The following NXPH2 variants were observed in gnomAD, a reference collection of about 807,000 sequenced individuals.
NXPH2 encodes the protein neurexophilin-2.
NXPH2 carries 5 observed loss-of-function variants against 19.8 expected under a neutral mutation model. The ratio of observed to expected loss-of-function variants is 0.25; its 90% CI spans 0.13 to 0.53. The LOEUF is 0.53. NXPH2 is among the 20% of genes least tolerant of loss of function. The pLI, the probability that NXPH2 is intolerant of heterozygous loss-of-function variation, is 0.96. For missense variants in NXPH2, 289 were observed against 322.8 expected (o/e 0.90, Z 0.80); for synonymous variants, 154 against 127.4 (o/e 1.21, Z -1.41).
intron 1 of NXPH2, among the ~76,000 whole-genome samples, chr2:138,703,294 C>T (rs1421900030): frequency 6.6e-6 from 1 of 152,136 alleles, no homozygotes; most frequent in Non-Finnish European, 1.5e-5. Flanking sequence ...CATACATACC[C>T]TCTGAGAGTC....
intron 1 of NXPH2, among the ~76,000 whole-genome samples, chr2:138,721,842 T>C (rs910167705): frequency 6.6e-6 from 1 of 152,220 alleles, no homozygotes; most frequent in Non-Finnish European, 1.5e-5. Context: ...TGCCTGTAAG[T>C]TTGCAGGATT....
chr2:138,723,537 A>C (rs1681311304), intron 1 of NXPH2, among the ~76,000 whole-genome samples: 4 of 152,164 alleles, frequency 2.6e-5, no homozygotes. Flanking sequence ...CTGCTTTCCC[A>C]AGTTCTATCT....
intron 1 of NXPH2, among the ~76,000 whole-genome samples, chr2:138,754,887 G>T (rs952994125): frequency 1.3e-5 from 2 of 152,078 alleles, no homozygotes; most frequent in Admixed American, 1.3e-4. Flanking sequence ...GGTATTGTTA[G>T]ATTTTGGTGG....
At chr2:138,690,031 C>A (rs531131792) in intron 1 of NXPH2, among the ~76,000 whole-genome samples, 1 of 152,114 alleles carries the variant, frequency 6.6e-6, no homozygotes, top group African/African-American at 2.4e-5. Flanking sequence ...GTAAACTTCC[C>A]CTTAACAATG....
chr2:138,755,946 G>A (rs1038811867), intron 1 of NXPH2, among the ~76,000 whole-genome samples: 5 of 151,668 alleles, frequency 3.3e-5, no homozygotes, highest in African/African-American at 1.2e-4. Context: ...TGTAAAACTG[G>A]ATGTTTCAGA....
rs1202515785 is a variant in NXPH2 at position 138,670,197 on chromosome 2, T to TAAA, written c.*724_*725insTTT. Among the ~76,000 whole-genome samples, 5 of 152,232 alleles carry TAAA rather than the reference T, an allele frequency of 3.3e-5. No homozygotes were observed. The highest frequency in any genetic ancestry group is 7.3e-5 in the Non-Finnish European group (5 of 68,036). On this transcript the variant is annotated 3_prime_UTR_variant, in exon 2 of 2. Coordinates refer to ENST00000272641, the MANE Select transcript of NXPH2 (RefSeq NM_007226.3). ...GAAGAGTCTAAAAACATCATGATTT[T>TAAA]TGTTATCGTTCAACAAACTTATTCT...
intron 1 of NXPH2, among the ~76,000 whole-genome samples, chr2:138,766,764 T>C (rs1357205739): frequency 6.6e-6 from 1 of 152,204 alleles, no homozygotes; most frequent in South Asian, 2.1e-4. Context: ...AAAAGAAGCA[T>C]ATTTTGAGGT....
chr2:138,755,191 A>G (rs1681888787), intron 1 of NXPH2, among the ~76,000 whole-genome samples: 2 of 152,006 alleles, frequency 1.3e-5, no homozygotes, highest in Non-Finnish European at 1.5e-5. Flanking sequence ...GAAGTTTTTA[A>G]TTACAATAAG....
chr2:138,718,117 G>C (rs2104991910), intron 1 of NXPH2, among the ~76,000 whole-genome samples: 1 of 152,030 alleles, frequency 6.6e-6, no homozygotes, highest in Admixed American at 6.5e-5. Flanking sequence ...AGAGGATGGA[G>C]GAGAGAATAA....
rs1440088461 is a variant in NXPH2 at position 138,669,716 on chromosome 2, T to A, written c.*1206A>T. Among the ~76,000 whole-genome samples, 2 of 152,218 alleles carry A rather than the reference T, an allele frequency of 1.3e-5. No homozygotes were observed. The highest frequency in any genetic ancestry group is 4.8e-5 in the African/African-American group (2 of 41,460). ...GACCCCTGTTTCTGTTCTAATTTAA[T>A]GATCATTCAGTTCTACCATATAGGA... On this transcript the variant is annotated 3_prime_UTR_variant, in exon 2 of 2. Coordinates refer to ENST00000272641, the MANE Select transcript of NXPH2 (RefSeq NM_007226.3).
chr2:138,777,759 T>C lies in NXPH2; in HGVS notation c.51+2432A>G, dbSNP rs1181609665. Among the ~76,000 whole-genome samples, 4 of 145,382 alleles carry C rather than the reference T, an allele frequency of 2.8e-5. No homozygotes were observed. In the South Asian group the frequency reaches 8.6e-4, roughly 31 times the overall value. On this transcript the variant is annotated intron_variant, in intron 1 of 1. Coordinates refer to ENST00000272641, the MANE Select transcript of NXPH2 (RefSeq NM_007226.3). Reference sequence around the variant, plus strand: ...TTTTTTATAAGTATGTTCTTCAGGCTGGCAGTGCAGATAGAAAAGTAAAAT... The same window carrying C: ...TTTTTTATAAGTATGTTCTTCAGGCCGGCAGTGCAGATAGAAAAGTAAAAT...
At chr2:138,735,795 A>T (rs1681529508) in intron 1 of NXPH2, among the ~76,000 whole-genome samples, 1 of 152,206 alleles carries the variant, frequency 6.6e-6, no homozygotes. Flanking sequence ...ATCAAAAGCA[A>T]CTTAGTTACT....
At chr2:138,749,335 T>C (rs1181348880) in intron 1 of NXPH2, among the ~76,000 whole-genome samples, 1 of 152,152 alleles carries the variant, frequency 6.6e-6, no homozygotes, top group Non-Finnish European at 1.5e-5. Flanking sequence ...TTCCTTGTCT[T>C]GGGCAGTATC....
At position 138,670,987 on chromosome 2, in the gene NXPH2, G is replaced by A. The variant is rs770395323; in HGVS notation, c.730C>T (p.Leu244Phe). 1.9e-5 allele frequency: 31 copies of A among 1,613,790 alleles called. No individual in the cohort carries two copies. The highest frequency in any genetic ancestry group is 5.3e-5 in the African/African-American group (4 of 74,920). The change falls in exon 2 of 2, where the codon CTC (leucine) becomes TTC (phenylalanine). Residue 244 changes from leucine to phenylalanine, a missense_variant. By Grantham distance (22) the Leu-to-Phe change is conservative (BLOSUM62 0). Coordinates refer to ENST00000272641, the MANE Select transcript of NXPH2 (RefSeq NM_007226.3). ...TAGTCAGGGCACACCTTTTGCACGA[G>A]TTTATAATCAACACTGTAAAAGGCA... Reference protein sequence around the residue: ...YIAFYSVDYKLVQKVCPDYNY... With the variant: ...YIAFYSVDYKFVQKVCPDYNY...
chr2:138,773,480 A>G (rs1415326041), intron 1 of NXPH2, among the ~76,000 whole-genome samples: 1 of 152,130 alleles, frequency 6.6e-6, no homozygotes, highest in African/African-American at 2.4e-5. Context: ...ACAGATTTTT[A>G]TACTAATCAA....
intron 1 of NXPH2, among the ~76,000 whole-genome samples, chr2:138,746,195 A>G (rs1681730831): frequency 6.6e-6 from 1 of 152,220 alleles, no homozygotes. Context: ...TCAATTTTCA[A>G]TTTTACAAAA....
intron 1 of NXPH2, among the ~76,000 whole-genome samples, chr2:138,719,901 T>C (rs1681250184): frequency 1.3e-5 from 2 of 152,214 alleles, no homozygotes. Flanking sequence ...CTGCTCTATT[T>C]ACTTTTTCTT....
At chr2:138,708,392 T>C (rs1473657089) in intron 1 of NXPH2, among the ~76,000 whole-genome samples, 1 of 152,226 alleles carries the variant, frequency 6.6e-6, no homozygotes, top group Non-Finnish European at 1.5e-5. Context: ...AGGATTTTAA[T>C]ATTGCAAAGG....
intron 1 of NXPH2, among the ~76,000 whole-genome samples, chr2:138,766,248 C>T (rs1042810264): frequency 4.6e-5 from 7 of 152,182 alleles, no homozygotes; most frequent in Admixed American, 2.0e-4. Context: ...GAAACTAGAT[C>T]TAAGCAAAAT....
Sources: gnomAD v4.1 joint callset for allele counts (sites outside exome capture counted in the v4.1 genomes callset) on GRCh38, gnomAD v4.1.1 for gene constraint, MANE v1.5 for transcripts, NCBI Gene and HGNC (gene_info 2026-07-23, HGNC 2026-07-21) for gene names.